EPB41L3: variants seen among roughly 807,000 people sequenced by gnomAD.
EPB41L3 encodes the protein erythrocyte membrane protein band 4.1 like 3, also known as band 4.1-like protein 3.
A neutral mutation model predicts 127.1 loss-of-function variants in EPB41L3; 57 were observed. The ratio of observed to expected loss-of-function variants is 0.45; its 90% CI spans 0.36 to 0.56. The LOEUF (loss-of-function observed/expected upper bound fraction) is 0.56, where lower values mean the gene tolerates loss of function less well. Among genes scored for constraint, EPB41L3 ranks in the 20% least tolerant of loss-of-function variants. The pLI, the probability that EPB41L3 is intolerant of heterozygous loss-of-function variation, is 0.00. For synonymous variants in EPB41L3, 572 were observed against 549.5 expected (o/e 1.04, Z -0.57); for missense variants, 1,273 against 1,372.2 (o/e 0.93, Z 1.14).
chr18:5,398,764 C>T (rs1323424525), intron 16 of EPB41L3: 1 of 399,300 alleles, frequency 2.5e-6, no homozygotes, highest in East Asian at 3.6e-5. Context: ...CCAAAGAGGC[C>T]CACTTTTAAG....
intron 5 of EPB41L3, among the ~76,000 whole-genome samples, chr18:5,440,045 A>G (rs140830209): frequency 1.9e-3 from 284 of 152,358 alleles, no homozygotes; most frequent in African/African-American, 6.5e-3. Context: ...ATTCTAGGAA[A>G]GCAAGTTTCA....
intron 5 of EPB41L3, among the ~76,000 whole-genome samples, chr18:5,439,552 C>T (rs1490747153): frequency 6.6e-6 from 1 of 152,108 alleles, no homozygotes; most frequent in Non-Finnish European, 1.5e-5. Flanking sequence ...TTTAAGATTC[C>T]ACATGGCAGG....
intron 3 of EPB41L3, among the ~76,000 whole-genome samples, chr18:5,572,558 G>C (rs2094293898): frequency 6.6e-6 from 1 of 152,054 alleles, no homozygotes; most frequent in Admixed American, 6.6e-5. Flanking sequence ...GTTTGTTTCT[G>C]TTTTTGTTGT....
chr18:5,582,311 A>G (rs1293366048), intron 3 of EPB41L3, among the ~76,000 whole-genome samples: 1 of 152,134 alleles, frequency 6.6e-6, no homozygotes, highest in Non-Finnish European at 1.5e-5. Context: ...ACAACGGAGC[A>G]GCTGGGCCTG....
chr18:5,582,952 CT>C (rs1374052660), intron 3 of EPB41L3, among the ~76,000 whole-genome samples: 5 of 152,098 alleles, frequency 3.3e-5, no homozygotes, highest in African/African-American at 9.7e-5. Flanking sequence ...ACAGCAGGGG[CT>C]GGGGAAACAG....
intron 3 of EPB41L3, among the ~76,000 whole-genome samples, chr18:5,454,456 C>G (rs999159658): frequency 1.3e-5 from 2 of 152,062 alleles, no homozygotes; most frequent in African/African-American, 4.8e-5. Flanking sequence ...GTCCATTATC[C>G]ACATCACTAC....
At chr18:5,575,806 C>T (rs2094331634) in intron 3 of EPB41L3, among the ~76,000 whole-genome samples, 1 of 152,128 alleles carries the variant, frequency 6.6e-6, no homozygotes, top group Non-Finnish European at 1.5e-5. Context: ...CATTGCACTG[C>T]AGCCTTGGTG....
intron 3 of EPB41L3, among the ~76,000 whole-genome samples, chr18:5,610,893 T>C (rs1318849428): frequency 8.5e-5 from 13 of 152,184 alleles, no homozygotes; most frequent in Non-Finnish European, 1.0e-4. Flanking sequence ...ACCATGATAA[T>C]TGCTCTATCA....
intron 1 of EPB41L3, among the ~76,000 whole-genome samples, chr18:5,490,445 G>A (rs2090447632): frequency 6.6e-6 from 1 of 152,016 alleles, no homozygotes; most frequent in African/African-American, 2.4e-5. Flanking sequence ...TGAAGAAAAG[G>A]GAGCATCACA....
chr18:5,429,434 A>G (rs1462656680), intron 8 of EPB41L3: 3 of 152,214 alleles, frequency 2.0e-5, no homozygotes, highest in Non-Finnish European at 4.4e-5. Flanking sequence ...GAATGAAGGA[A>G]AAAGACAGGA....
At position 5,416,003 on chromosome 18, in the gene EPB41L3, G is replaced by C. The variant is rs150101312; in HGVS notation, c.1882C>G (p.Arg628Gly). 6.2e-7 allele frequency: 1 copy of C among 1,614,114 alleles called. No individual in the cohort carries two copies. The highest frequency in any genetic ancestry group is 8.5e-7 in the Non-Finnish European group (1 of 1,180,008). ...AAACAGGGCACAAGGGACGGTGAGC[G>C]GATCGGGAGGTAATGCTGCAAGCTC... ...PQSLQHYLPI[R>G]SPSLVPCFLF... The change falls in exon 13 of 23, where the codon CGC (arginine) becomes GGC (glycine). Residue 628 changes from arginine (R) to glycine (G), a missense_variant. Arg to Gly is a moderately radical substitution (Grantham distance 125). Transcript: ENST00000341928.
intron 16 of EPB41L3, chr18:5,400,867 C>T: frequency 4.1e-6 from 3 of 739,906 alleles, no homozygotes; most frequent in Non-Finnish European, 6.6e-6. Context: ...TGGTTTTAAA[C>T]AAGATAAATG....
intron 2 of EPB41L3, among the ~76,000 whole-genome samples, chr18:5,487,206 T>C (rs1004201058): frequency 2.6e-5 from 4 of 151,976 alleles, no homozygotes; most frequent in African/African-American, 7.2e-5. Context: ...GGCTGTTACG[T>C]TAAGTGAAAT....
rs1215734094 is a variant in EPB41L3 at position 5,424,374 on chromosome 18, A to T, written c.1066-15T>A. On this transcript the variant is annotated splice_polypyrimidine_tract_variant and intron_variant, in intron 9 of 22. Coordinates refer to ENST00000341928, the MANE Select transcript of EPB41L3 (RefSeq NM_012307.5). ...AATTGTTCAAACTAAATAAAAAAAA[A>T]TACATTGAAGAGTAAAGTTTAAAAT... 1 of 1,568,006 alleles carries T rather than the reference A, an allele frequency of 6.4e-7. No homozygotes were observed. The highest frequency in any genetic ancestry group is 1.9e-5 in the Admixed American group (1 of 52,118).
chr18:5,520,960 G>A (rs2092966326), intron 1 of EPB41L3, among the ~76,000 whole-genome samples: 1 of 152,182 alleles, frequency 6.6e-6, no homozygotes. Context: ...CGCAGAAAGA[G>A]ATGTGCTCCA....
At chr18:5,508,079 G>A (rs191973160) in intron 1 of EPB41L3, 1 of 152,174 alleles carries the variant, frequency 6.6e-6, no homozygotes, top group South Asian at 2.1e-4. Context: ...GGTTATGGGG[G>A]ACAGTGATGC....
At chr18:5,593,783 G>A (rs763811735) in intron 3 of EPB41L3, among the ~76,000 whole-genome samples, 7 of 152,120 alleles carry the variant, frequency 4.6e-5, no homozygotes, top group South Asian at 2.1e-4. Context: ...CTTCAGGGGC[G>A]CATTCTCTTT....
At chr18:5,412,874 A>T (rs1193812884) in intron 13 of EPB41L3, among the ~76,000 whole-genome samples, 1 of 151,886 alleles carries the variant, frequency 6.6e-6, no homozygotes, top group Non-Finnish European at 1.5e-5. Context: ...GAGCTAAAAA[A>T]AAAAAAAAAA....
Position 5,605,981 on chromosome 18 carries a change from C to T in EPB41L3, c.-306+6359G>A, listed in dbSNP as rs570890664. ...CACAGATGCTTGAGGCTTCCAGGGA[C>T]GCTAATGGCACACACACCAATGGGC... On this transcript the variant is annotated intron_variant, in intron 3 of 21. Coordinates refer to the EPB41L3 transcript ENST00000545076. Among the ~76,000 whole-genome samples, 7 of 152,132 alleles carry T rather than the reference C, an allele frequency of 4.6e-5. No individual in the cohort carries two copies. The South Asian group carries it at 1.0e-3, about 23-fold the overall frequency.
Sources: gnomAD v4.1 joint callset for allele counts (sites outside exome capture counted in the v4.1 genomes callset) on GRCh38, gnomAD v4.1.1 for gene constraint, MANE v1.5 for transcripts, NCBI Gene and HGNC (gene_info 2026-07-23, HGNC 2026-07-21) for gene names.